ACBD6: variants seen among roughly 807,000 people sequenced by gnomAD.
ACBD6 encodes acyl-CoA binding domain containing 6.
Under a neutral mutation model 37.2 loss-of-function variants are expected in ACBD6, and 28 were observed. That is an observed-to-expected ratio of 0.75 (90% CI 0.56 to 1.03). The LOEUF is 1.03. Ranked by LOEUF, ACBD6 falls within the 50% of genes least tolerant of loss-of-function variation. ACBD6 has a pLI of 0.00. For missense variants in ACBD6, 340 were observed against 337.4 expected (o/e 1.01, Z -0.06); for synonymous variants, 113 against 126.8 (o/e 0.89, Z 0.73).
chr1:180,485,975 TA>T (rs1464478310), intron 3 of ACBD6, among the ~76,000 whole-genome samples: 1 of 152,178 alleles, frequency 6.6e-6, no homozygotes, highest in Non-Finnish European at 1.5e-5. Flanking sequence ...AATGGATTTT[TA>T]TATCCCACTG....
chr1:180,321,334 T>C (rs1237961093), intron 6 of ACBD6, among the ~76,000 whole-genome samples: 3 of 152,208 alleles, frequency 2.0e-5, no homozygotes, highest in Non-Finnish European at 4.4e-5. Flanking sequence ...AAGAATGTCA[T>C]TGGTATTTTC....
intron 6 of ACBD6, among the ~76,000 whole-genome samples, chr1:180,381,010 T>C (rs1653624393): frequency 1.3e-5 from 2 of 151,888 alleles, no homozygotes; most frequent in African/African-American, 4.8e-5. Flanking sequence ...AGCCTGAATA[T>C]GAGAGGATGA....
intron 1 of ACBD6, 127 bp from the exon 2 acceptor site, chr1:180,495,652 G>A: frequency 1.5e-6 from 1 of 675,408 alleles, no homozygotes; most frequent in Non-Finnish European, 2.5e-6. Context: ...ATATGGAATA[G>A]CAAAATTTAA....
chr1:180,295,720 G>A lies in ACBD6; in HGVS notation c.695-7203C>T, dbSNP rs182909646. ...TGATGTTACTATTGTAATTTTTTGG[G>A]GGTGCCATGAACTGCACCCATATAA... On this transcript the variant is annotated intron_variant, in intron 7 of 7. Transcript: ENST00000367595. 6.6e-5 allele frequency among the ~76,000 whole-genome samples: 10 copies of A among 151,856 alleles called. 1 individual carries two copies. The East Asian group carries it at 9.7e-4, about 15-fold the overall frequency.
intron 6 of ACBD6, among the ~76,000 whole-genome samples, chr1:180,373,363 T>G (rs1653329226): frequency 6.6e-6 from 1 of 152,212 alleles, no homozygotes. Flanking sequence ...AGCAGTCATT[T>G]GCAAAAATGT....
chr1:180,414,031 T>C (rs1647974162), intron 4 of ACBD6, among the ~76,000 whole-genome samples: 1 of 152,206 alleles, frequency 6.6e-6, no homozygotes, highest in Admixed American at 6.5e-5. Flanking sequence ...ATACAGTACA[T>C]TTTTCTATTA....
chr1:180,478,763 C>T (rs558036488), intron 3 of ACBD6, among the ~76,000 whole-genome samples: 1 of 152,216 alleles, frequency 6.6e-6, no homozygotes, highest in South Asian at 2.1e-4. Flanking sequence ...GGATTACAGG[C>T]ATGAGTCACC....
At chr1:180,467,448 C>T (rs1376585600) in intron 3 of ACBD6, among the ~76,000 whole-genome samples, 41 of 72,534 alleles carry the variant, frequency 5.7e-4, no homozygotes, top group East Asian at 1.8e-3. Flanking sequence ...TCCATCTCTG[C>T]AAAAAAAAAA....
chr1:180,445,451 C>G (rs182219029), intron 3 of ACBD6, among the ~76,000 whole-genome samples: 2 of 152,320 alleles, frequency 1.3e-5, no homozygotes, highest in Admixed American at 6.5e-5. Flanking sequence ...TATCCAACTT[C>G]CACTTCAAAA....
chr1:180,387,400 T>C (rs1653884653), intron 6 of ACBD6, among the ~76,000 whole-genome samples: 1 of 152,176 alleles, frequency 6.6e-6, no homozygotes, highest in Non-Finnish European at 1.5e-5. Flanking sequence ...TGGGAGGTGA[T>C]GGATATCCAA....
chr1:180,455,496 T>C (rs540449557), intron 3 of ACBD6, among the ~76,000 whole-genome samples: 8 of 152,074 alleles, frequency 5.3e-5, no homozygotes, highest in Non-Finnish European at 7.4e-5. Context: ...GTTCTGCACA[T>C]GTATCCCAGA....
intron 3 of ACBD6, among the ~76,000 whole-genome samples, chr1:180,471,228 T>C (rs1355721961): frequency 1.3e-5 from 2 of 151,880 alleles, no homozygotes; most frequent in Non-Finnish European, 2.9e-5. Flanking sequence ...GGCAAAACCA[T>C]GTCTCTACAA....
At chr1:180,331,390 G>C (rs1171740072) in intron 6 of ACBD6, among the ~76,000 whole-genome samples, 1 of 152,124 alleles carries the variant, frequency 6.6e-6, no homozygotes, top group East Asian at 1.9e-4. Context: ...TTTTCATTCA[G>C]CAGGGGAAAA....
intron 6 of ACBD6, among the ~76,000 whole-genome samples, chr1:180,317,611 T>C (rs1338435905): frequency 6.6e-6 from 1 of 152,144 alleles, no homozygotes; most frequent in African/African-American, 2.4e-5. Context: ...CAGTCTGCAG[T>C]AGAAGAGAAT....
chr1:180,399,548 G>T (rs1445408756), intron 5 of ACBD6, among the ~76,000 whole-genome samples: 1 of 152,110 alleles, frequency 6.6e-6, no homozygotes, highest in African/African-American at 2.4e-5. Context: ...GATTACAGGC[G>T]TGAGCCACCA....
chr1:180,417,115 T>C (rs1277253964), intron 4 of ACBD6, among the ~76,000 whole-genome samples: 3 of 152,098 alleles, frequency 2.0e-5, no homozygotes, highest in Non-Finnish European at 4.4e-5. Context: ...ACTAAGGAAT[T>C]TGTGGGCTCT....
intron 9 of ACBD6, chr1:180,276,364 CAG>C (rs1649027067): frequency 1.3e-5 from 2 of 152,170 alleles, no homozygotes; most frequent in African/African-American, 4.8e-5. Flanking sequence ...TTCTTTAAAA[CAG>C]TAAATTCCGG....
At chr1:180,322,241 T>C (rs1352977876) in intron 6 of ACBD6, among the ~76,000 whole-genome samples, 1 of 152,170 alleles carries the variant, frequency 6.6e-6, no homozygotes, top group Non-Finnish European at 1.5e-5. Context: ...ATCTTTTTAA[T>C]GTATCATTGA....
intron 3 of ACBD6, among the ~76,000 whole-genome samples, chr1:180,481,573 A>G (rs1437646437): frequency 6.6e-6 from 1 of 152,208 alleles, no homozygotes; most frequent in Non-Finnish European, 1.5e-5. Context: ...AAAAATGCTA[A>G]GTTTTCTATT....
Sources: allele counts gnomAD v4.1 joint callset (sites outside exome capture counted in the v4.1 genomes callset), GRCh38; gene constraint gnomAD v4.1.1; transcripts MANE v1.5; gene names NCBI Gene and HGNC (gene_info 2026-07-23, HGNC 2026-07-21).